The following PDCD4 variants were observed in gnomAD, a reference collection of about 807,000 sequenced individuals.
The protein encoded by PDCD4 is programmed cell death 4.
In PDCD4, 56 loss-of-function variants were observed where a neutral mutation model predicts 54.0. The ratio of observed to expected loss-of-function variants is 1.04; its 90% CI spans 0.84 to 1.30. PDCD4 has a LOEUF of 1.30. Ranked by LOEUF, PDCD4 falls within the 50% of genes most tolerant of loss-of-function variation. The pLI, the probability that PDCD4 is intolerant of heterozygous loss-of-function variation, is 0.00. For missense variants in PDCD4, 584 were observed against 559.8 expected, an observed-to-expected ratio of 1.04 and a Z score of -0.44; for synonymous variants, 186 against 194.8, an observed-to-expected ratio of 0.95 and a Z score of 0.37.
intron 8 of PDCD4, 59 bp from the exon 9 acceptor site, chr10:110,894,032 C>T: frequency 2.0e-6 from 2 of 1,004,272 alleles, no homozygotes; most frequent in Non-Finnish European, 3.1e-6. Flanking sequence ...ATCCTGTAGG[C>T]AAGCACGATA....
chr10:110,875,866 TGTC>T (rs766431889), intron 1 of PDCD4, 97 bp from the exon 2 acceptor site: 18 of 456,128 alleles, frequency 3.9e-5, no homozygotes, highest in Admixed American at 1.3e-4. Flanking sequence ...TTTTTGTTGT[TGTC>T]GTTTGTTTTT....
chr10:110,891,833 G>GTCAA (rs1845762757), intron 8 of PDCD4, among the ~76,000 whole-genome samples: 1 of 152,044 alleles, frequency 6.6e-6, no homozygotes, highest in African/African-American at 2.4e-5. Flanking sequence ...GAAAAATTGA[G>GTCAA]GTATAAAAAT....
chr10:110,872,422 C>G (rs940144386), intron 1 of PDCD4, among the ~76,000 whole-genome samples: 4 of 152,196 alleles, frequency 2.6e-5, no homozygotes, highest in African/African-American at 4.8e-5. Flanking sequence ...TCCGGCTGGA[C>G]TGAAATCCTG....
At chr10:110,881,180 A>G (rs1845584720) in intron 2 of PDCD4, 53 bp from the exon 3 acceptor site, 2 of 1,330,486 alleles carry the variant, frequency 1.5e-6, no homozygotes, top group Non-Finnish European at 2.1e-6. Context: ...ATATCTATAA[A>G]ACAGTAGATA....
chr10:110,877,274 A>G (rs1845520112), intron 2 of PDCD4, among the ~76,000 whole-genome samples: 1 of 152,180 alleles, frequency 6.6e-6, no homozygotes, highest in Non-Finnish European at 1.5e-5. Flanking sequence ...TATGGTGACC[A>G]CTAGCTACAT....
At chr10:110,884,999 T>C in intron 4 of PDCD4, 1 of 278,322 alleles carries the variant, frequency 3.6e-6, no homozygotes, top group Non-Finnish European at 6.7e-6. Flanking sequence ...TCTTGCTATG[T>C]TTCCCAGGCT....
intron 1 of PDCD4, among the ~76,000 whole-genome samples, chr10:110,872,532 C>T (rs1845430388): frequency 6.6e-6 from 1 of 152,198 alleles, no homozygotes; most frequent in South Asian, 2.1e-4. Context: ...GGCCTCGGCC[C>T]CGGCCCAGCC....
intron 3 of PDCD4, among the ~76,000 whole-genome samples, chr10:110,882,126 A>G (rs190881034): frequency 3.0e-4 from 46 of 152,300 alleles, no homozygotes; most frequent in African/African-American, 8.7e-4. Context: ...GGGAACTTCA[A>G]TTTATAGCCT....
rs1845739646 is a variant in PDCD4 at position 110,890,590 on chromosome 10, A to G, written c.910A>G (p.Met304Val). ...GGATAAGGCTACCGTGCTTCTGAGT[A>G]TGTCTAAAGGTGGAAAGCGTAAAGA... ...ALDKATVLLS[M>V]SKGGKRKDSV... Residue 304 changes from methionine to valine, a missense_variant, in exon 8 of 12, where the codon ATG (methionine) becomes GTG (valine). Met to Val is a conservative substitution (Grantham distance 21, BLOSUM62 1). Transcript: ENST00000280154. 3 of 1,613,218 alleles carry G rather than the reference A, an allele frequency of 1.9e-6. No homozygotes were observed. The highest frequency in any genetic ancestry group is 2.5e-6 in the Non-Finnish European group (3 of 1,179,498).
At chr10:110,891,367 A>G (rs1845753023) in intron 8 of PDCD4, among the ~76,000 whole-genome samples, 1 of 137,940 alleles carries the variant, frequency 7.2e-6, no homozygotes, top group Non-Finnish European at 1.5e-5. Flanking sequence ...AGATCACACC[A>G]CTGCACTCCA....
intron 6 of PDCD4, 118 bp downstream of exon 6, chr10:110,888,004 G>A (rs181794000): frequency 1.8e-4 from 109 of 609,302 alleles, no homozygotes; most frequent in Admixed American, 3.4e-4. Flanking sequence ...CATTTCCTAC[G>A]ACACCGAAAT....
In PDCD4 at chr10:110,881,482, G is replaced by C. The variant is rs757733929; in HGVS notation, c.293G>C (p.Arg98Thr). The change falls in exon 3 of 12, where the codon AGG becomes ACG. Residue 98 changes from arginine to threonine, a missense_variant. Physicochemically the swap from Arg to Thr is moderately conservative, Grantham distance 71. Coordinates refer to ENST00000280154, the MANE Select transcript of PDCD4 (RefSeq NM_014456.5). Reference protein sequence around the residue: ...GLTVPTSPKGRLLDRRSRSGK... With the variant: ...GLTVPTSPKGTLLDRRSRSGK... ...ACTGTGCCAACCAGTCCAAAGGGAA[G>C]GTTGCTGGATAGGCGATCCAGATCT... is the stretch of plus-strand genomic sequence containing the variant. 3.7e-6 allele frequency: 6 copies of C among 1,614,082 alleles called. No homozygotes were observed. Among genetic ancestry groups the C allele is most frequent in the Non-Finnish European group, 5.1e-6 (6 of 1,179,968 alleles).
chr10:110,891,078 C>A (rs1334221266), intron 8 of PDCD4, among the ~76,000 whole-genome samples: 1 of 152,050 alleles, frequency 6.6e-6, no homozygotes, highest in African/African-American at 2.4e-5. Flanking sequence ...AGCACTAGAG[C>A]AGATCAGAGT....
intron 5 of PDCD4, 106 bp from the exon 6 acceptor site, chr10:110,887,544 TTTCCAAAGAGTGAGA>T (rs1845686449): frequency 1.6e-6 from 1 of 629,180 alleles, no homozygotes; most frequent in Admixed American, 3.0e-5. Context: ...CTTTTGATTA[TTTCCAAAGAGTGAGA>T]CGTAGAGATA....
intron 11 of PDCD4, among the ~76,000 whole-genome samples, chr10:110,896,494 G>A (rs550150578): frequency 7.2e-5 from 11 of 152,248 alleles, no homozygotes; most frequent in African/African-American, 2.6e-4. Flanking sequence ...ACCTGTACTG[G>A]ATGTGGCTTC....
At chr10:110,889,264 A>G (rs1845719179) in intron 6 of PDCD4, among the ~76,000 whole-genome samples, 1 of 149,866 alleles carries the variant, frequency 6.7e-6, no homozygotes, top group South Asian at 2.1e-4. Flanking sequence ...TATGCTATGT[A>G]TTCAGGCAGT....
At chr10:110,897,418 T>C (rs1162099182) in intron 11 of PDCD4, among the ~76,000 whole-genome samples, 1 of 152,230 alleles carries the variant, frequency 6.6e-6, no homozygotes, top group Non-Finnish European at 1.5e-5. Flanking sequence ...CTTACTGCTT[T>C]AGGCCACTGG....
intron 1 of PDCD4, among the ~76,000 whole-genome samples, chr10:110,875,353 AAAG>A (rs1438367730): frequency 6.6e-6 from 1 of 152,128 alleles, no homozygotes; most frequent in East Asian, 1.9e-4. Flanking sequence ...TATTATCAAA[AAAG>A]GATTTCTCAT....
Position 110,885,699 on chromosome 10 carries a change from C to T in PDCD4, c.555+333C>T, listed in dbSNP as rs142568023. 8.6e-4 allele frequency among the ~76,000 whole-genome samples: 131 copies of T among 151,708 alleles called. 1 individual carries two copies. Among genetic ancestry groups the T allele is most frequent in the Middle Eastern group, 3.4e-3 (1 of 290 alleles). ...TTAGCAGTTTGAGGGCACTTCTAGACGCCCCCCGAAACCTCTTCAGGGATC... is the reference window on the plus strand; with the variant it reads ...TTAGCAGTTTGAGGGCACTTCTAGATGCCCCCCGAAACCTCTTCAGGGATC... On this transcript the variant is annotated intron_variant, in intron 5 of 11. Transcript: ENST00000280154.
Sources: gnomAD v4.1 joint callset for allele counts (sites outside exome capture counted in the v4.1 genomes callset) on GRCh38, gnomAD v4.1.1 for gene constraint, MANE v1.5 for transcripts, NCBI Gene and HGNC (gene_info 2026-07-23, HGNC 2026-07-21) for gene names.